The following TBC1D14 variants were observed in gnomAD, a reference collection of about 807,000 sequenced individuals.
The protein encoded by TBC1D14 is TBC1 domain family, member 14.
TBC1D14 carries 26 observed loss-of-function variants against 79.0 expected under a neutral mutation model. That is an observed-to-expected ratio of 0.33 (90% CI 0.24 to 0.46). The LOEUF is 0.46. TBC1D14 is among the 20% of genes least tolerant of loss of function. The pLI is 1.00. For missense variants in TBC1D14, 769 were observed against 887.6 expected (o/e 0.87, Z 1.70); for synonymous variants, 394 against 349.9 (o/e 1.13, Z -1.40).
chr4:6,939,918 C>T (rs570876740), intron 2 of TBC1D14, among the ~76,000 whole-genome samples: 9 of 152,312 alleles, frequency 5.9e-5, no homozygotes, highest in African/African-American at 9.6e-5. Flanking sequence ...GCCCTGAGGC[C>T]GGCGGGGACT....
chr4:6,987,093 C>G, intron 3 of TBC1D14: 9 of 726,042 alleles, frequency 1.2e-5, no homozygotes, highest in Non-Finnish European at 1.0e-5. Flanking sequence ...GCCCCTTGTG[C>G]CCGCCCCTCG....
intron 3 of TBC1D14, chr4:6,987,127 G>C (rs1376704868): frequency 8.8e-7 from 1 of 1,133,250 alleles, no homozygotes; most frequent in Non-Finnish European, 1.1e-6. Flanking sequence ...CCGCCCCCTT[G>C]GGAGTCTCCA....
intron 1 of TBC1D14, among the ~76,000 whole-genome samples, chr4:6,916,231 A>G (rs1171603284): frequency 1.3e-5 from 2 of 151,968 alleles, no homozygotes; most frequent in Admixed American, 1.3e-4. Flanking sequence ...TGAGGATCAG[A>G]TAGGACAGTG....
At position 6,923,631 on chromosome 4, in the gene TBC1D14, G is replaced by T; in HGVS notation, c.242G>T (p.Cys81Phe). The change falls in exon 2 of 14, where the codon TGC (cysteine) becomes TTC (phenylalanine). Residue 81 changes from cysteine (C) to phenylalanine (F), a missense_variant. Physicochemically the swap from Cys to Phe is radical, Grantham distance 205. Around this residue, in one of 2 missense-constraint regions of TBC1D14, gnomAD observed 402 missense variants for 393.2 expected, o/e 1.02. Coordinates refer to ENST00000409757, the MANE Select transcript of TBC1D14 (RefSeq NM_020773.3). ...ATCGGGAACCCGGAGCCTGTACCCT[G>T]CAGCGCGGTCCACGTGAGGAGGAAG... The part of the protein sequence containing the change: ...LEIGNPEPVP[C>F]SAVHVRRKQS... 1 of 1,613,978 alleles carries T rather than the reference G, an allele frequency of 6.2e-7. No individual in the cohort carries two copies. Among genetic ancestry groups the T allele is most frequent in the Non-Finnish European group, 8.5e-7 (1 of 1,180,032 alleles).
intron 2 of TBC1D14, among the ~76,000 whole-genome samples, chr4:6,962,226 G>C (rs1406930500): frequency 6.6e-6 from 1 of 152,144 alleles, no homozygotes; most frequent in Non-Finnish European, 1.5e-5. Context: ...GGCGGGAGAG[G>C]CACCACAGCT....
At position 6,994,166 on chromosome 4, in the gene TBC1D14, C is replaced by T. The variant is rs1164428469; in HGVS notation, c.844-18C>T. On this transcript the variant is annotated intron_variant, in intron 3 of 13. Transcript: ENST00000409757. ...TATCTGAAAGGACCTGGAGTCATCC[C>T]TGGTTTCTTTGTCCTAGGAATATGA... 1.2e-6 allele frequency: 2 copies of T among 1,602,026 alleles called. No homozygotes were observed. Among genetic ancestry groups the T allele is most frequent in the East Asian group, 2.2e-5 (1 of 44,832 alleles).
intron 2 of TBC1D14, 59 bp downstream of exon 2, chr4:6,924,170 G>C (rs1724093829): frequency 2.6e-6 from 4 of 1,531,582 alleles, no homozygotes; most frequent in East Asian, 2.3e-5. Context: ...CAGTCTCCTT[G>C]TTCCTGTCTC....
intron 3 of TBC1D14, chr4:6,987,695 A>G (rs2109122797): frequency 3.3e-6 from 1 of 300,902 alleles, no homozygotes; most frequent in Admixed American, 5.1e-5. Context: ...CAGGCCCAGC[A>G]GCCCCCTTAG....
intron 2 of TBC1D14, among the ~76,000 whole-genome samples, chr4:6,942,867 A>G (rs999251649): frequency 1.3e-5 from 2 of 152,164 alleles, no homozygotes; most frequent in East Asian, 1.9e-4. Flanking sequence ...GATAGATTTT[A>G]TCCCTTTTAG....
intron 3 of TBC1D14, among the ~76,000 whole-genome samples, chr4:6,984,622 T>C (rs1717655899): frequency 6.6e-6 from 1 of 152,216 alleles, no homozygotes; most frequent in African/African-American, 2.4e-5. Flanking sequence ...CTCCTGAGAC[T>C]TCACAGCCCC....
intron 9 of TBC1D14, among the ~76,000 whole-genome samples, chr4:7,008,080 A>G (rs181710348): frequency 6.6e-6 from 1 of 152,362 alleles, no homozygotes; most frequent in Admixed American, 6.5e-5. Context: ...CTGGCCTAAC[A>G]GGGCTGTTGA....
intron 2 of TBC1D14, among the ~76,000 whole-genome samples, chr4:6,965,966 A>G (rs879234530): frequency 6.6e-6 from 1 of 152,124 alleles, no homozygotes; most frequent in African/African-American, 2.4e-5. Flanking sequence ...AGCTTTCCCC[A>G]CTGGTGTAAG....
chr4:6,954,746 G>A (rs1714469489), intron 2 of TBC1D14, among the ~76,000 whole-genome samples: 1 of 152,210 alleles, frequency 6.6e-6, no homozygotes, highest in Non-Finnish European at 1.5e-5. Context: ...GACTACAAAC[G>A]TGTGCCACGA....
intron 9 of TBC1D14, among the ~76,000 whole-genome samples, chr4:7,008,971 C>T (rs989306080): frequency 1.3e-5 from 2 of 152,040 alleles, no homozygotes; most frequent in Admixed American, 6.6e-5. Context: ...GCATTTTTAC[C>T]CTCTCATTGC....
intron 2 of TBC1D14, among the ~76,000 whole-genome samples, chr4:6,928,389 T>C (rs180836010): frequency 9.8e-5 from 15 of 152,290 alleles, no homozygotes; most frequent in African/African-American, 3.4e-4. Context: ...GAGAAGAATA[T>C]TGGTGGTTGA....
intron 7 of TBC1D14, among the ~76,000 whole-genome samples, chr4:7,001,831 C>T (rs1047580681): frequency 1.3e-5 from 2 of 152,106 alleles, no homozygotes; most frequent in African/African-American, 2.4e-5. Context: ...CTCTGAAGCG[C>T]GTCCAGAGTG....
intron 2 of TBC1D14, among the ~76,000 whole-genome samples, chr4:6,948,216 A>G (rs1253902623): frequency 6.6e-6 from 1 of 152,188 alleles, no homozygotes; most frequent in Non-Finnish European, 1.5e-5. Context: ...TACAGAGACT[A>G]TGACTAGAAC....
chr4:7,015,368 T>A (rs1022496554), intron 12 of TBC1D14, among the ~76,000 whole-genome samples: 2 of 151,846 alleles, frequency 1.3e-5, no homozygotes, highest in African/African-American at 4.8e-5. Flanking sequence ...TTGACTGCGG[T>A]TGGGGAAGGG....
intron 12 of TBC1D14, among the ~76,000 whole-genome samples, chr4:7,019,979 C>T (rs113955568): frequency 7.8e-4 from 61 of 78,032 alleles, no homozygotes; most frequent in African/African-American, 1.5e-3. Context: ...GGGCTCAGGT[C>T]AGGGAGGACT....
Sources: gnomAD v4.1 joint callset for allele counts (sites outside exome capture counted in the v4.1 genomes callset) on GRCh38, gnomAD v4.1.1 for gene constraint, gnomAD v4.1.1 regional missense constraint, MANE v1.5 for transcripts, NCBI Gene and HGNC (gene_info 2026-07-23, HGNC 2026-07-21) for gene names.